TMCO4: variants seen among roughly 807,000 people sequenced by gnomAD.
The protein encoded by TMCO4 is transmembrane and coiled-coil domain-containing protein 4.
TMCO4 carries 58 observed loss-of-function variants against 64.7 expected under a neutral mutation model. That is an observed-to-expected ratio of 0.90 (90% CI 0.73 to 1.12). The LOEUF (loss-of-function observed/expected upper bound fraction) is 1.12, where lower values mean the gene tolerates loss of function less well. TMCO4 is among the 50% of genes most tolerant of loss of function. The pLI is 0.00. For synonymous variants in TMCO4, 325 were observed against 346.1 expected, an observed-to-expected ratio of 0.94 and a Z score of 0.68; for missense variants, 780 against 825.9, an observed-to-expected ratio of 0.94 and a Z score of 0.68.
intron 13 of TMCO4, among the ~76,000 whole-genome samples, chr1:19,704,514 A>G (rs1159162014): frequency 6.6e-6 from 1 of 152,184 alleles, no homozygotes; most frequent in Admixed American, 6.5e-5. Context: ...TGTCTGCAAT[A>G]ACAACGTGCA....
At chr1:19,771,580 A>G (rs2042985004) in intron 4 of TMCO4, 98 bp from the exon 5 acceptor site, 4 of 1,215,830 alleles carry the variant, frequency 3.3e-6, no homozygotes, top group Non-Finnish European at 4.5e-6. Context: ...AACAGCTGGC[A>G]CGTGCCTGAC....
At chr1:19,747,800 T>G (rs181781432) in intron 7 of TMCO4, among the ~76,000 whole-genome samples, 2 of 152,194 alleles carry the variant, frequency 1.3e-5, no homozygotes. Flanking sequence ...AGGAAAACAT[T>G]TAGAGTGAAT....
intron 7 of TMCO4, among the ~76,000 whole-genome samples, chr1:19,751,784 C>G (rs1235691466): frequency 6.6e-6 from 1 of 152,100 alleles, no homozygotes; most frequent in Non-Finnish European, 1.5e-5. Context: ...CGTGGTGGCT[C>G]GCGCCTGTGG....
At chr1:19,750,850 C>G (rs913393497) in intron 7 of TMCO4, among the ~76,000 whole-genome samples, 1 of 152,228 alleles carries the variant, frequency 6.6e-6, no homozygotes, top group Non-Finnish European at 1.5e-5. Context: ...TGGCCAAAAC[C>G]CCAAGGTTGC....
intron 2 of TMCO4, among the ~76,000 whole-genome samples, chr1:19,791,665 G>A (rs2044045615): frequency 1.3e-5 from 2 of 151,596 alleles, no homozygotes; most frequent in Admixed American, 1.3e-4. Context: ...GGATTCCTGC[G>A]ACGAGAAAAA....
At chr1:19,703,345 A>G (rs925612535) in intron 13 of TMCO4, among the ~76,000 whole-genome samples, 3 of 151,996 alleles carry the variant, frequency 2.0e-5, no homozygotes, top group Non-Finnish European at 2.9e-5. Context: ...AGCATAGTGA[A>G]TGCACAGTGG....
At chr1:19,782,528 G>A (rs142823944) in intron 3 of TMCO4, among the ~76,000 whole-genome samples, 7 of 152,292 alleles carry the variant, frequency 4.6e-5, no homozygotes, top group East Asian at 1.9e-4. Flanking sequence ...TGCACTTTGT[G>A]TATGGTATAC....
Position 19,763,991 on chromosome 1 carries a change from G to A in TMCO4, c.382+6551C>T, listed in dbSNP as rs147188943. ...GGACGATTAAGGGCATTAAGGCAGT[G>A]ACAAGCTTACTTCAAGACCAGTGGT... is the stretch of plus-strand genomic sequence containing the variant. On this transcript the variant is annotated intron_variant, in intron 6 of 15. Coordinates refer to ENST00000294543, the MANE Select transcript of TMCO4 (RefSeq NM_181719.7). Among the ~76,000 whole-genome samples, 221 of 152,316 alleles carry A rather than the reference G, an allele frequency of 1.5e-3. 3 individuals are homozygous for A. The highest frequency in any genetic ancestry group is 5.2e-3 in the African/African-American group (217 of 41,562).
At chr1:19,779,674 T>A (rs556570682) in intron 4 of TMCO4, among the ~76,000 whole-genome samples, 1 of 152,216 alleles carries the variant, frequency 6.6e-6, no homozygotes, top group Non-Finnish European at 1.5e-5. Context: ...CCTACCTAGA[T>A]GTAAGCACCT....
In TMCO4 at chr1:19,717,043, T is replaced by C. The variant is rs567872468; in HGVS notation, c.1265-16158A>G. 1.4e-3 allele frequency among the ~76,000 whole-genome samples: 211 copies of C among 152,080 alleles called. 1 individual carries two copies. The highest frequency in any genetic ancestry group is 4.8e-3 in the African/African-American group (199 of 41,524). ...CTCTACTAAAAATACAAAAATCAGC[T>C]GGGATGGTAGTAGGCGCCTGTAATC... On this transcript the variant is annotated intron_variant, in intron 13 of 15. Transcript: ENST00000294543.
intron 13 of TMCO4, among the ~76,000 whole-genome samples, chr1:19,711,309 T>C (rs115893587): frequency 0.013 from 1,953 of 152,362 alleles, 41 homozygotes; most frequent in African/African-American, 0.044. Flanking sequence ...TTTAATTTCC[T>C]ACAAGAAGCT....
intron 15 of TMCO4, among the ~76,000 whole-genome samples, chr1:19,693,907 G>A (rs911609185): frequency 3.3e-5 from 5 of 152,162 alleles, no homozygotes; most frequent in Non-Finnish European, 7.3e-5. Context: ...GGGGGGACTC[G>A]GGAGTGGGGA....
intron 11 of TMCO4, 144 bp from the exon 12 acceptor site, chr1:19,740,104 A>G (rs1337065948): frequency 3.1e-6 from 3 of 954,988 alleles, no homozygotes; most frequent in East Asian, 5.6e-5. Flanking sequence ...CTAAAGAACA[A>G]AGAAATCCGA....
Sources: allele counts gnomAD v4.1 joint callset (sites outside exome capture counted in the v4.1 genomes callset), GRCh38; gene constraint gnomAD v4.1.1; transcripts MANE v1.5; gene names NCBI Gene and HGNC (gene_info 2026-07-23, HGNC 2026-07-21).